The following SNTG1 variants were observed in gnomAD, a reference collection of about 807,000 sequenced individuals.
The protein encoded by SNTG1 is syntrophin gamma 1, also known as gamma-1-syntrophin.
SNTG1 carries 39 observed loss-of-function variants against 74.7 expected under a neutral mutation model. The ratio of observed to expected loss-of-function variants is 0.52; its 90% confidence interval spans 0.40 to 0.68. SNTG1 has a LOEUF of 0.68. Ranked by LOEUF, SNTG1 falls within the 30% of genes least tolerant of loss-of-function variation. The pLI is 0.00. For missense variants in SNTG1, 685 were observed against 609.5 expected (o/e 1.12, Z -1.30); for synonymous variants, 254 against 217.1 (o/e 1.17, Z -1.49).
At chr8:50,774,704 T>C (rs936852424) in intron 18 of SNTG1, among the ~76,000 whole-genome samples, 1 of 151,794 alleles carries the variant, frequency 6.6e-6, no homozygotes, top group Non-Finnish European at 1.5e-5. Context: ...ATTGGTGTTT[T>C]ACTTCTAATT....
intron 1 of SNTG1, among the ~76,000 whole-genome samples, chr8:50,077,688 C>A (rs573546172): frequency 6.6e-6 from 1 of 152,282 alleles, no homozygotes; most frequent in East Asian, 1.9e-4. Context: ...AATTTTAGAT[C>A]ACTTCCATCA....
intron 8 of SNTG1, among the ~76,000 whole-genome samples, chr8:50,501,115 C>A (rs1471804142): frequency 6.6e-6 from 1 of 152,188 alleles, no homozygotes. Context: ...CCCGTTGTCA[C>A]CGCTCACTGA....
chr8:49,996,692 C>T (rs1248731564), intron 1 of SNTG1, among the ~76,000 whole-genome samples: 3 of 152,082 alleles, frequency 2.0e-5, no homozygotes, highest in African/African-American at 4.8e-5. Context: ...GATATGCCAA[C>T]ACTTTTCACT....
rs372536333 is a variant in SNTG1, at chr8:50,167,413, G to T, written c.-102-5148G>T. Among the ~76,000 whole-genome samples, 43 of 151,524 alleles carry T rather than the reference G, an allele frequency of 2.8e-4. No individual in the cohort carries two copies. The East Asian group carries it at 7.0e-3, about 24-fold the overall frequency. On this transcript the variant is annotated intron_variant, in intron 1 of 18. Coordinates refer to ENST00000642720, the MANE Select transcript of SNTG1 (RefSeq NM_018967.5). ...TTTTCCTATATGTCACTCAGGTATTGAATCTTGTGTATGTAAAACCTTTCA... is the reference window on the plus strand; with the variant it reads ...TTTTCCTATATGTCACTCAGGTATTTAATCTTGTGTATGTAAAACCTTTCA...
intron 13 of SNTG1, among the ~76,000 whole-genome samples, chr8:50,612,993 C>A (rs1343482949): frequency 6.6e-6 from 1 of 152,078 alleles, no homozygotes; most frequent in Non-Finnish European, 1.5e-5. Context: ...AAACACTAGC[C>A]AGGATTACTG....
At chr8:50,550,914 T>A (rs1158389327) in intron 11 of SNTG1, among the ~76,000 whole-genome samples, 2 of 152,136 alleles carry the variant, frequency 1.3e-5, no homozygotes, top group Non-Finnish European at 2.9e-5. Context: ...TAGTGCTTGA[T>A]GAGACAATAA....
chr8:50,373,057 T>C (rs566783875), intron 2 of SNTG1, among the ~76,000 whole-genome samples: 9 of 152,336 alleles, frequency 5.9e-5, no homozygotes, highest in Admixed American at 1.3e-4. Flanking sequence ...ACCCACTGAC[T>C]AAAGAAATTA....
At chr8:49,987,838 C>T (rs1050694845) in intron 1 of SNTG1, among the ~76,000 whole-genome samples, 4 of 151,852 alleles carry the variant, frequency 2.6e-5, no homozygotes, top group African/African-American at 9.7e-5. Context: ...TCGGTAGAGC[C>T]GGGGTTTCAC....
chr8:50,544,336 TAAA>T (rs1244048698), intron 11 of SNTG1, among the ~76,000 whole-genome samples: 1 of 152,054 alleles, frequency 6.6e-6, no homozygotes, highest in Non-Finnish European at 1.5e-5. Flanking sequence ...TTGATATACT[TAAA>T]ATCGTATGTT....
chr8:50,669,215 T>TA (rs35554969), intron 15 of SNTG1, among the ~76,000 whole-genome samples: 2,780 of 148,122 alleles, frequency 0.019, 38 homozygotes, highest in Admixed American at 0.036. Context: ...AATAGAGATT[T>TA]AAAAAAAAAA....
chr8:50,064,749 G>C (rs1008862455), intron 1 of SNTG1, among the ~76,000 whole-genome samples: 1 of 152,022 alleles, frequency 6.6e-6, no homozygotes, highest in Non-Finnish European at 1.5e-5. Context: ...GCTCTGACCG[G>C]ACGTTTACCT....
intron 2 of SNTG1, among the ~76,000 whole-genome samples, chr8:50,217,046 T>A (rs1053504268): frequency 1.3e-5 from 2 of 151,572 alleles, no homozygotes; most frequent in Admixed American, 1.3e-4. Flanking sequence ...TATTGAAAAT[T>A]AATGAAACAA....
intron 2 of SNTG1, among the ~76,000 whole-genome samples, chr8:50,330,574 T>G (rs1043377869): frequency 1.3e-5 from 2 of 152,208 alleles, no homozygotes; most frequent in Non-Finnish European, 2.9e-5. Context: ...AGGTTATCTT[T>G]ACAGCAGTAC....
At chr8:50,082,002 T>G (rs1822457908) in intron 1 of SNTG1, among the ~76,000 whole-genome samples, 1 of 152,178 alleles carries the variant, frequency 6.6e-6, no homozygotes, top group Non-Finnish European at 1.5e-5. Flanking sequence ...TATCATCAAG[T>G]TCATTGATTC....
chr8:50,685,639 A>T (rs2095349291), intron 15 of SNTG1, among the ~76,000 whole-genome samples: 1 of 152,208 alleles, frequency 6.6e-6, no homozygotes, highest in Non-Finnish European at 1.5e-5. Context: ...CATATTCTTC[A>T]AATAGAAAAT....
At chr8:49,924,081 G>T (rs778077288) in intron 1 of SNTG1, among the ~76,000 whole-genome samples, 6 of 152,048 alleles carry the variant, frequency 3.9e-5, no homozygotes, top group Non-Finnish European at 7.4e-5. Flanking sequence ...AATTTTTAAT[G>T]AATAGGGTTA....
intron 1 of SNTG1, among the ~76,000 whole-genome samples, chr8:50,157,783 C>T (rs1232352592): frequency 6.6e-6 from 1 of 152,076 alleles, no homozygotes; most frequent in African/African-American, 2.4e-5. Flanking sequence ...GTTTACAGCA[C>T]TGAGACCTTT....
At chr8:49,984,209 T>C (rs1563431129) in intron 1 of SNTG1, among the ~76,000 whole-genome samples, 1 of 151,970 alleles carries the variant, frequency 6.6e-6, no homozygotes, top group African/African-American at 2.4e-5. Flanking sequence ...TTTATTTATT[T>C]ATTTTTTTTT....
At chr8:50,156,437 G>A (rs2082257013) in intron 1 of SNTG1, among the ~76,000 whole-genome samples, 1 of 151,898 alleles carries the variant, frequency 6.6e-6, no homozygotes, top group Admixed American at 6.6e-5. Context: ...ACACATGTTG[G>A]CCACATAGAT....
Sources: allele counts gnomAD v4.1 joint callset (sites outside exome capture counted in the v4.1 genomes callset), GRCh38; gene constraint gnomAD v4.1.1; transcripts MANE v1.5; gene names NCBI Gene and HGNC (gene_info 2026-07-23, HGNC 2026-07-21).